The following MAP3K19 variants were observed in gnomAD, a reference collection of about 807,000 sequenced individuals.
MAP3K19 encodes the protein mitogen-activated protein kinase kinase kinase 19, also known as SPS1/STE20-related protein kinase YSK4.
MAP3K19 carries 91 observed loss-of-function variants against 114.4 expected under a neutral mutation model. The observed-to-expected ratio is 0.80, with a 90% confidence interval of 0.67 to 0.95. The LOEUF (loss-of-function observed/expected upper bound fraction) is 0.95, where lower values mean the gene tolerates loss of function less well. Ranked by LOEUF, MAP3K19 falls within the 40% of genes least tolerant of loss-of-function variation. The pLI is 0.00. For synonymous variants in MAP3K19, 518 were observed against 530.5 expected (o/e 0.98, Z 0.32); for missense variants, 1,471 against 1,573.2 (o/e 0.94, Z 1.10).
At chr2:135,031,899 C>T (rs2104785903) in intron 2 of MAP3K19, among the ~76,000 whole-genome samples, 1 of 152,216 alleles carries the variant, frequency 6.6e-6, no homozygotes, top group African/African-American at 2.4e-5. Context: ...GCTGTACTGC[C>T]ACGGCAGACC....
At chr2:134,978,207 G>A (rs1323026057) in intron 12 of MAP3K19, among the ~76,000 whole-genome samples, 3 of 145,092 alleles carry the variant, frequency 2.1e-5, no homozygotes, top group Non-Finnish European at 4.5e-5. Flanking sequence ...TTTTTTTTGA[G>A]ACAGAGTCTC....
Position 135,033,475 on chromosome 2 carries a change from G to A in MAP3K19, c.-283-2975C>T, listed in dbSNP as rs566856624. ...CAGAGGCGCCCCCCACCCCCCGGAC[G>A]GGGCGGCTGGCCGGGCAGAGGGGCT... is the stretch of plus-strand genomic sequence containing the variant. On this transcript the variant is annotated intron_variant, in intron 2 of 12. Coordinates refer to ENST00000392915, the MANE Select transcript of MAP3K19 (RefSeq NM_025052.5). Among the ~76,000 whole-genome samples, 70 of 118,378 alleles carry A rather than the reference G, an allele frequency of 5.9e-4. 6 individuals are homozygous for A. The East Asian group carries it at 0.01, about 18-fold the overall frequency. 77.7% of individuals were successfully genotyped at this position (118,378 alleles called of 152,430 possible).
intron 12 of MAP3K19, among the ~76,000 whole-genome samples, chr2:134,975,186 G>C (rs1016571710): frequency 1.7e-4 from 26 of 152,336 alleles, no homozygotes; most frequent in Admixed American, 1.5e-3. Context: ...GGCCTCCAAG[G>C]CTTGCTCAGG....
At chr2:134,970,473 T>C (rs1285442520) in intron 12 of MAP3K19, among the ~76,000 whole-genome samples, 1 of 152,182 alleles carries the variant, frequency 6.6e-6, no homozygotes, top group Non-Finnish European at 1.5e-5. Context: ...CCTGCAACTT[T>C]ACTGAATCTT....
chr2:134,966,561 C>T (rs1266567293), intron 12 of MAP3K19, among the ~76,000 whole-genome samples: 1 of 152,182 alleles, frequency 6.6e-6, no homozygotes, highest in Non-Finnish European at 1.5e-5. Flanking sequence ...AAAGCTTCTA[C>T]GGGCACTCAC....
At position 134,980,803 on chromosome 2, in the gene MAP3K19, T is replaced by C. The variant is rs779820138; in HGVS notation, c.3920+18A>G. ...TCTCCGGGCATTTATCTTCCTCCTC[T>C]TGCTTTCAGTTTCTTACCTGGTCAG... On this transcript the variant is annotated intron_variant, in intron 12 of 12. Transcript: ENST00000392915. 2.5e-6 allele frequency: 4 copies of C among 1,600,440 alleles called. No homozygotes were observed. The highest frequency in any genetic ancestry group is 1.1e-5 in the South Asian group (1 of 90,680).
At chr2:134,993,175 C>T (rs1356215529) in intron 8 of MAP3K19, among the ~76,000 whole-genome samples, 2 of 152,182 alleles carry the variant, frequency 1.3e-5, no homozygotes, top group African/African-American at 4.8e-5. Context: ...TGGGCCTGGC[C>T]TCTCCTCCCT....
chr2:135,024,913 A>G (rs961457879), intron 3 of MAP3K19, among the ~76,000 whole-genome samples, 172 bp from the exon 4 acceptor site: 2 of 152,208 alleles, frequency 1.3e-5, no homozygotes, highest in Non-Finnish European at 2.9e-5. Flanking sequence ...ATTTTACAAG[A>G]TTTTAAATAA....
At chr2:135,039,959 C>T (rs1157196442) in intron 2 of MAP3K19, among the ~76,000 whole-genome samples, 1 of 152,186 alleles carries the variant, frequency 6.6e-6, no homozygotes, top group African/African-American at 2.4e-5. Flanking sequence ...CCTTTTAAGC[C>T]TTATTATTCA....
intron 1 of MAP3K19, among the ~76,000 whole-genome samples, chr2:135,045,308 C>A (rs973062598): frequency 6.6e-6 from 1 of 152,152 alleles, no homozygotes; most frequent in African/African-American, 2.4e-5. Context: ...GTACTTGGAA[C>A]CTTACTAAGG....
At chr2:135,041,765 C>T (rs934975131) in intron 1 of MAP3K19, among the ~76,000 whole-genome samples, 21 of 152,142 alleles carry the variant, frequency 1.4e-4, no homozygotes, top group Admixed American at 1.4e-3. Context: ...TATAATCTGG[C>T]ATGAGATTGA....
At chr2:134,974,254 G>A (rs1684078343) in intron 12 of MAP3K19, among the ~76,000 whole-genome samples, 1 of 152,138 alleles carries the variant, frequency 6.6e-6, no homozygotes, top group South Asian at 2.1e-4. Flanking sequence ...ACCCACTTCA[G>A]CCTTCCAAAG....
chr2:135,007,715 G>A (rs570447689), intron 5 of MAP3K19, among the ~76,000 whole-genome samples: 10 of 152,082 alleles, frequency 6.6e-5, no homozygotes, highest in Admixed American at 5.9e-4. Context: ...TGTCAATGGC[G>A]GATGGGTTCA....
intron 5 of MAP3K19, among the ~76,000 whole-genome samples, chr2:135,012,152 A>C (rs1398214181): frequency 6.6e-6 from 1 of 152,160 alleles, no homozygotes; most frequent in Non-Finnish European, 1.5e-5. Context: ...CAGTCTCTGC[A>C]CTGTTGACAT....
At chr2:134,993,325 A>C (rs965303433) in intron 8 of MAP3K19, among the ~76,000 whole-genome samples, 4 of 152,262 alleles carry the variant, frequency 2.6e-5, no homozygotes, top group Non-Finnish European at 4.4e-5. Flanking sequence ...GTGAAAAACA[A>C]GTCACCTAAG....
chr2:135,033,275 GC>G lies in MAP3K19; in HGVS notation c.-283-2776del, dbSNP rs1428460931. On this transcript the variant is annotated intron_variant, in intron 2 of 12. Coordinates refer to ENST00000392915, the MANE Select transcript of MAP3K19 (RefSeq NM_025052.5). ...CCCCACCTCCCTCCCAGACAGGGCG[GC>G]TGGCCGGGCAGAGGGGCTCCTCACC... 6.6e-5 allele frequency among the ~76,000 whole-genome samples: 8 copies of G among 120,876 alleles called. 2 individuals are homozygous for G. The highest frequency in any genetic ancestry group is 1.3e-4 in the Non-Finnish European group (8 of 62,426). The allele number at this position is 120,876 out of a possible 152,430, so 79.3% of individuals were successfully genotyped here.
At chr2:134,968,911 G>C (rs561788500) in intron 12 of MAP3K19, among the ~76,000 whole-genome samples, 1 of 151,124 alleles carries the variant, frequency 6.6e-6, no homozygotes, top group Non-Finnish European at 1.5e-5. Context: ...GACGATGGGC[G>C]GCCAGGCAGA....
chr2:135,022,371 C>T (rs955959260), intron 4 of MAP3K19, among the ~76,000 whole-genome samples: 17 of 152,140 alleles, frequency 1.1e-4, no homozygotes, highest in African/African-American at 3.4e-4. Flanking sequence ...TCCAGAGCTG[C>T]GCAGAGGAAG....
chr2:134,993,061 A>C (rs1202900203), intron 8 of MAP3K19, among the ~76,000 whole-genome samples: 2 of 152,058 alleles, frequency 1.3e-5, no homozygotes, highest in Non-Finnish European at 1.5e-5. Context: ...TTTTTTGTAT[A>C]GACAGGGTCT....
Sources: allele counts gnomAD v4.1 joint callset (sites outside exome capture counted in the v4.1 genomes callset), GRCh38; gene constraint gnomAD v4.1.1; transcripts MANE v1.5; gene names NCBI Gene and HGNC (gene_info 2026-07-23, HGNC 2026-07-21).